IPO7: variants seen among roughly 807,000 people sequenced by gnomAD.
The protein encoded by IPO7 is importin 7.
Under a neutral mutation model 136.4 loss-of-function variants are expected in IPO7, and 13 were observed. The observed-to-expected ratio is 0.10, with a 90% confidence interval of 0.06 to 0.15. IPO7 has a LOEUF of 0.15. Ranked by LOEUF, IPO7 falls within the 10% of genes least tolerant of loss-of-function variation. The pLI is 1.00. For missense variants in IPO7, 857 were observed against 1,240.6 expected, an observed-to-expected ratio of 0.69 and a Z score of 4.65; for synonymous variants, 403 against 404.4, an observed-to-expected ratio of 1.00 and a Z score of 0.04.
At position 9,403,498 on chromosome 11, in the gene IPO7, G is replaced by A. The variant is rs191495217; in HGVS notation, c.166+127G>A. 6.2e-4 allele frequency: 402 copies of A among 647,176 alleles called. 6 individuals are homozygous for A. In the African/African-American group the frequency reaches 6.5e-3, roughly 10 times the overall value. The allele number at this position is 647,176 out of a possible 1,614,324, so 40.1% of individuals were successfully genotyped here. ...CCCCCAGGTAATTTGTTTACCTTCA[G>A]TGTTTACAGCTAACATCAGGTACCT... On this transcript the variant is annotated intron_variant, in intron 2 of 24. Coordinates refer to ENST00000379719, the MANE Select transcript of IPO7 (RefSeq NM_006391.3).
At chr11:9,402,329 G>T (rs1445752063) in intron 1 of IPO7, among the ~76,000 whole-genome samples, 2 of 148,782 alleles carry the variant, frequency 1.3e-5, no homozygotes, top group Non-Finnish European at 3.0e-5. Flanking sequence ...GAACCCAGGA[G>T]GCAGAGGTTG....
At position 9,408,588 on chromosome 11, in the gene IPO7, G is replaced by A. The variant is rs1294359893; in HGVS notation, c.269G>A (p.Cys90Tyr). Residue 90 changes from cysteine (C) to tyrosine (Y), a missense_variant, in exon 3 of 25, where the codon TGT (cysteine) becomes TAT (tyrosine). Physicochemically the swap from Cys to Tyr is radical, Grantham distance 194. Coordinates refer to ENST00000379719, the MANE Select transcript of IPO7 (RefSeq NM_006391.3). ...PYTIPEEDRHCIRENIVEAII... is the reference protein window; with the variant it reads ...PYTIPEEDRHYIRENIVEAII... Reference sequence around the variant, plus strand: ...ACTATTCCAGAAGAAGATCGCCATTGTATTCGAGAAAATATTGTAGAAGCC... The same window carrying A: ...ACTATTCCAGAAGAAGATCGCCATTATATTCGAGAAAATATTGTAGAAGCC... 1 of 1,604,226 alleles carries A rather than the reference G, an allele frequency of 6.2e-7. No individual in the cohort carries two copies. The highest frequency in any genetic ancestry group is 8.5e-7 in the Non-Finnish European group (1 of 1,175,072).
At chr11:9,400,670 C>T (rs1220012895) in intron 1 of IPO7, among the ~76,000 whole-genome samples, 1 of 151,952 alleles carries the variant, frequency 6.6e-6, no homozygotes, top group Non-Finnish European at 1.5e-5. Context: ...GGTCCGCCCG[C>T]CTCGGCCTCC....
intron 23 of IPO7, among the ~76,000 whole-genome samples, 170 bp from the exon 24 acceptor site, chr11:9,441,911 C>A (rs1855464103): frequency 6.6e-6 from 1 of 152,046 alleles, no homozygotes; most frequent in Non-Finnish European, 1.5e-5. Context: ...AATTTTTATT[C>A]CTATATCTGT....
At chr11:9,436,868 A>ATATATATATATATT (rs1855382626) in intron 20 of IPO7, among the ~76,000 whole-genome samples, 1 of 18,226 alleles carries the variant, frequency 5.5e-5, no homozygotes. Context: ...ATATATATAT[A>ATATATATATATATT]TTTTTTTTTT....
Position 9,447,131 on chromosome 11 carries a change from C to T in IPO7, c.*1937C>T, listed in dbSNP as rs1855540638. ...TTCCTTTACCTTTAATCCCCTAATA[C>T]CTAGTCTACTTTTTAAATTTTCAGA... On this transcript the variant is annotated 3_prime_UTR_variant, in exon 25 of 25. Transcript: ENST00000379719. 6.6e-6 allele frequency: 1 copy of T among 152,138 alleles called. No individual in the cohort carries two copies. The highest frequency in any genetic ancestry group is 1.5e-5 in the Non-Finnish European group (1 of 68,022). The allele number at this position is 152,138 out of a possible 1,614,324, so 9.4% of individuals were successfully genotyped here.
chr11:9,414,481 A>G, intron 5 of IPO7, 70 bp downstream of exon 5: 1 of 1,006,594 alleles, frequency 9.9e-7, no homozygotes, highest in Non-Finnish European at 1.4e-6. Flanking sequence ...AAATTAACAA[A>G]GAATTTCAGC....
Position 9,413,811 on chromosome 11 carries a change from T to C in IPO7, c.480-444T>C, listed in dbSNP as rs1025930102. On this transcript the variant is annotated intron_variant, in intron 4 of 24. Coordinates refer to ENST00000379719, the MANE Select transcript of IPO7 (RefSeq NM_006391.3). ...GTTAGGAAGTATTTGATTATATTTG[T>C]GTGAATAGTAGCAGCTGATAAATAA... Among the ~76,000 whole-genome samples the C allele has an allele frequency of 1.2e-4, 19 of 152,080 alleles. 1 individual carries two copies. Among genetic ancestry groups the C allele is most frequent in the African/African-American group, 4.4e-4 (18 of 41,346 alleles).
intron 24 of IPO7, among the ~76,000 whole-genome samples, chr11:9,442,794 G>A (rs1855476798): frequency 1.3e-5 from 2 of 151,928 alleles, no homozygotes; most frequent in Admixed American, 1.3e-4. Context: ...AGGCCACGGT[G>A]GGTGGATTGC....
At chr11:9,442,270 T>G (rs1855469320) in intron 24 of IPO7, 73 bp downstream of exon 24, 3 of 623,662 alleles carry the variant, frequency 4.8e-6, no homozygotes, top group Non-Finnish European at 8.5e-6. Context: ...CGTTTAATTT[T>G]ATATCATTAA....
At chr11:9,442,783 G>C (rs1855476611) in intron 24 of IPO7, among the ~76,000 whole-genome samples, 1 of 152,002 alleles carries the variant, frequency 6.6e-6, no homozygotes, top group Non-Finnish European at 1.5e-5. Flanking sequence ...AGCACTTTGG[G>C]AGGCCACGGT....
chr11:9,415,092 C>T (rs543961744), intron 5 of IPO7, among the ~76,000 whole-genome samples: 25 of 151,702 alleles, frequency 1.6e-4, no homozygotes, highest in Non-Finnish European at 2.8e-4. Context: ...CTGTGGTGGG[C>T]GCATCACCTG....
rs536930489 is a variant in IPO7, at chr11:9,429,295, G to A, written c.1591+99G>A. The A allele has an allele frequency of 6.4e-4, 661 of 1,035,066 alleles. 2 individuals carry two copies. The highest frequency in any genetic ancestry group is 1.5e-3 in the East Asian group (63 of 40,958). 64.1% of individuals were successfully genotyped at this position (1,035,066 alleles called of 1,614,324 possible). On this transcript the variant is annotated intron_variant, in intron 14 of 24. Coordinates refer to ENST00000379719, the MANE Select transcript of IPO7 (RefSeq NM_006391.3). ...TTCGGTAGGCTTAGGTGGGAAGAGC[G>A]CTTGAAGCCAGGTGTTCAAGACCAG...
intron 9 of IPO7, among the ~76,000 whole-genome samples, chr11:9,423,434 G>A (rs1381485762): frequency 6.6e-6 from 1 of 152,050 alleles, no homozygotes; most frequent in African/African-American, 2.4e-5. Flanking sequence ...AGTAGCCAAG[G>A]GACTTTATCT....
chr11:9,412,806 G>A (rs1854985657), intron 4 of IPO7, among the ~76,000 whole-genome samples: 1 of 146,720 alleles, frequency 6.8e-6, no homozygotes, highest in South Asian at 2.2e-4. Flanking sequence ...CTCCAGCCTG[G>A]GTGACAGAGT....
intron 16 of IPO7, 99 bp from the exon 17 acceptor site, chr11:9,433,471 T>C: frequency 1.2e-5 from 9 of 749,940 alleles, no homozygotes; most frequent in Admixed American, 5.1e-5. Context: ...TTTCACAATA[T>C]TGACTTTATA....
intron 16 of IPO7, chr11:9,433,355 C>T (rs913197235): frequency 1.2e-5 from 6 of 507,482 alleles, no homozygotes; most frequent in Admixed American, 3.6e-5. Flanking sequence ...GTAAATTAAG[C>T]TAGCCATTCC....
Position 9,436,947 on chromosome 11 carries a change from G to A in IPO7, c.2268+581G>A, listed in dbSNP as rs1260268197. Among the ~76,000 whole-genome samples the A allele has an allele frequency of 3.1e-5, 4 of 128,554 alleles. 1 individual carries two copies. The highest frequency in any genetic ancestry group is 1.8e-4 in the Admixed American group (2 of 10,948). 84.3% of individuals were successfully genotyped at this position (128,554 alleles called of 152,430 possible). A position where few individuals can be genotyped will look rare whatever the true frequency, so the allele number is the denominator to read the frequency against. On this transcript the variant is annotated intron_variant, in intron 20 of 24. Transcript: ENST00000379719. ...GTCGCCTAGGCTGGAGTGCAGTCGC[G>A]CAATCTCAGCTCACTGCAACCTCTG...
intron 12 of IPO7, among the ~76,000 whole-genome samples, chr11:9,426,357 T>C (rs1855207931): frequency 6.6e-6 from 1 of 152,240 alleles, no homozygotes; most frequent in Non-Finnish European, 1.5e-5. Flanking sequence ...TCAGTACTTT[T>C]TCCTTTTTGT....
Sources: allele counts gnomAD v4.1 joint callset (sites outside exome capture counted in the v4.1 genomes callset), GRCh38; gene constraint gnomAD v4.1.1; transcripts MANE v1.5; gene names NCBI Gene and HGNC (gene_info 2026-07-23, HGNC 2026-07-21).